COG5: variants seen among roughly 807,000 people sequenced by gnomAD.
The protein encoded by COG5 is conserved oligomeric Golgi complex subunit 5.
In COG5, 86 loss-of-function variants were observed where a neutral mutation model predicts 110.4. That is an observed-to-expected ratio of 0.78 (90% CI 0.65 to 0.93). COG5 has a LOEUF of 0.93. Ranked by LOEUF, COG5 falls within the 40% of genes least tolerant of loss-of-function variation. The pLI, the probability that COG5 is intolerant of heterozygous loss-of-function variation, is 0.00. For missense variants in COG5, 1,077 were observed against 987.0 expected, an observed-to-expected ratio of 1.09 and a Z score of -1.22; for synonymous variants, 360 against 334.6, an observed-to-expected ratio of 1.08 and a Z score of -0.83.
intron 6 of COG5, among the ~76,000 whole-genome samples, chr7:107,494,291 G>T (rs1211536567): frequency 6.6e-6 from 1 of 152,126 alleles, no homozygotes; most frequent in Non-Finnish European, 1.5e-5. Flanking sequence ...ATGGCAGAGT[G>T]AACTGGTCAG....
chr7:107,314,923 T>C (rs1808595441), intron 11 of COG5, among the ~76,000 whole-genome samples: 1 of 152,238 alleles, frequency 6.6e-6, no homozygotes, highest in Non-Finnish European at 1.5e-5. Context: ...ATCCCTCTTA[T>C]CTCAAGCCCT....
intron 2 of COG5, among the ~76,000 whole-genome samples, chr7:107,557,398 A>G (rs1803401350): frequency 6.6e-6 from 1 of 152,232 alleles, no homozygotes; most frequent in Non-Finnish European, 1.5e-5. Context: ...AAAGTTATCT[A>G]CTACAGTCTC....
At chr7:107,549,741 T>C (rs1802751370) in intron 3 of COG5, among the ~76,000 whole-genome samples, 1 of 151,956 alleles carries the variant, frequency 6.6e-6, no homozygotes, top group South Asian at 2.1e-4. Context: ...CTGGGTCTCC[T>C]ATTATCTCAT....
At chr7:107,286,993 T>C (rs576475342) in intron 12 of COG5, among the ~76,000 whole-genome samples, 7 of 152,304 alleles carry the variant, frequency 4.6e-5, no homozygotes, top group African/African-American at 1.4e-4. Flanking sequence ...AAAGGTTTTA[T>C]TGGGGAATAA....
intron 21 of COG5, chr7:107,209,839 A>C (rs1226792082): frequency 3.0e-6 from 3 of 985,444 alleles, no homozygotes; most frequent in African/African-American, 3.5e-5. Flanking sequence ...AATGGCGGTC[A>C]ACTGTAGCTA....
chr7:107,320,603 T>C (rs1809177210), intron 11 of COG5, among the ~76,000 whole-genome samples: 1 of 152,208 alleles, frequency 6.6e-6, no homozygotes, highest in Non-Finnish European at 1.5e-5. Flanking sequence ...GTCTTTCTGG[T>C]TGTCCAAGTC....
chr7:107,527,595 T>G (rs1435688781), intron 5 of COG5, among the ~76,000 whole-genome samples: 1 of 152,134 alleles, frequency 6.6e-6, no homozygotes, highest in Non-Finnish European at 1.5e-5. Flanking sequence ...GATTCACTCA[T>G]GCTTTTTTTG....
intron 6 of COG5, among the ~76,000 whole-genome samples, chr7:107,471,047 T>C (rs906557881): frequency 2.0e-5 from 3 of 152,066 alleles, no homozygotes; most frequent in Non-Finnish European, 4.4e-5. Flanking sequence ...GTTTAGTGTA[T>C]GCTAATTGTT....
intron 1 of COG5, among the ~76,000 whole-genome samples, chr7:107,562,647 C>A (rs184095926): frequency 6.6e-6 from 1 of 152,238 alleles, no homozygotes; most frequent in Non-Finnish European, 1.5e-5. Context: ...TTCAGTTTAG[C>A]CAAGTTTTAG....
intron 6 of COG5, among the ~76,000 whole-genome samples, chr7:107,525,519 C>G (rs988570345): frequency 6.6e-6 from 1 of 151,500 alleles, no homozygotes; most frequent in African/African-American, 2.4e-5. Flanking sequence ...ACTGTGAAAA[C>G]AACACACAAG....
intron 14 of COG5, among the ~76,000 whole-genome samples, chr7:107,267,548 T>C (rs1296602780): frequency 6.6e-6 from 1 of 152,198 alleles, no homozygotes; most frequent in Non-Finnish European, 1.5e-5. Flanking sequence ...CTGTAAGTAA[T>C]TTATTAACAA....
intron 3 of COG5, 64 bp from the exon 4 acceptor site, chr7:107,548,396 T>A: frequency 6.9e-7 from 1 of 1,439,494 alleles, no homozygotes; most frequent in Non-Finnish European, 9.8e-7. Flanking sequence ...GGTAAATAGT[T>A]AAATTAAAAG....
Position 107,298,143 on chromosome 7 carries a change from C to G in COG5, c.1312G>C (p.Asp438His), listed in dbSNP as rs2116915432. 2 of 1,552,182 alleles carry G rather than the reference C, an allele frequency of 1.3e-6. No individual in the cohort carries two copies. The highest frequency in any genetic ancestry group is 4.6e-5 in the East Asian group (2 of 43,550). ...ACAGGTCAAATTAAACAAACATACT[C>G]ATAATCTGGCTTTTTTGGTATGAAT... Reference protein sequence around the residue: ...DIFIPKKPDYDPEKALKDSLQ... With the variant: ...DIFIPKKPDYHPEKALKDSLQ... The change falls in exon 12 of 22, where the codon GAT becomes CAT. Residue 438 changes from aspartate (D) to histidine (H), a missense_variant and splice_region_variant. By Grantham distance (81) the Asp-to-His change is moderately conservative (BLOSUM62 -1). Transcript: ENST00000297135.
chr7:107,511,149 A>G (rs1158600933), intron 6 of COG5, among the ~76,000 whole-genome samples: 1 of 151,224 alleles, frequency 6.6e-6, no homozygotes, highest in Non-Finnish European at 1.5e-5. Context: ...GACTGCTAGC[A>G]AGACTAATAA....
At chr7:107,281,477 A>G in intron 13 of COG5, 78 bp from the exon 14 acceptor site, 1 of 1,036,428 alleles carries the variant, frequency 9.6e-7, no homozygotes, top group Middle Eastern at 2.0e-4. Context: ...AAAAACTCAA[A>G]CCCAATAAGC....
chr7:107,384,835 G>T (rs1417103180), intron 7 of COG5, among the ~76,000 whole-genome samples: 4 of 152,156 alleles, frequency 2.6e-5, no homozygotes, highest in Non-Finnish European at 5.9e-5. Flanking sequence ...CCAATCTCTA[G>T]AACTGTGAGG....
At chr7:107,290,160 G>C in intron 12 of COG5, among the ~76,000 whole-genome samples, 1 of 152,132 alleles carries the variant, frequency 6.6e-6, no homozygotes, top group East Asian at 1.9e-4. Flanking sequence ...CATGTAACAT[G>C]TGGATTCAGT....
chr7:107,288,959 TA>T lies in COG5; in HGVS notation c.1314-5228del, dbSNP rs1584626776. Among the ~76,000 whole-genome samples, 8 of 121,182 alleles carry T rather than the reference TA, an allele frequency of 6.6e-5. No individual in the cohort carries two copies. In the East Asian group the frequency reaches 1.4e-3, roughly 22 times the overall value. 79.5% of individuals were successfully genotyped at this position (121,182 alleles called of 152,430 possible). On this transcript the variant is annotated intron_variant, in intron 12 of 21. Coordinates refer to ENST00000297135, the MANE Select transcript of COG5 (RefSeq NM_006348.5). ...ATATATATATATATATATATATATA[TA>T]TATTTAAAAATTTATCTATATTTTT... is the stretch of plus-strand genomic sequence containing the variant.
intron 19 of COG5, among the ~76,000 whole-genome samples, chr7:107,225,150 T>C (rs546645858): frequency 6.6e-5 from 10 of 152,302 alleles, no homozygotes; most frequent in African/African-American, 1.2e-4. Context: ...ACTGAGCCCA[T>C]TGCCCTCCCC....
Sources: allele counts gnomAD v4.1 joint callset (sites outside exome capture counted in the v4.1 genomes callset), GRCh38; gene constraint gnomAD v4.1.1; transcripts MANE v1.5; gene names NCBI Gene and HGNC (gene_info 2026-07-23, HGNC 2026-07-21).